ZNF131: variants seen among roughly 807,000 people sequenced by gnomAD.
ZNF131 encodes the protein zinc finger and BTB domain containing 35.
ZNF131 carries 7 observed loss-of-function variants against 60.0 expected under a neutral mutation model. The ratio of observed to expected loss-of-function variants is 0.12; its 90% CI spans 0.07 to 0.22. The LOEUF is 0.22. Among genes scored for constraint, ZNF131 ranks in the 10% least tolerant of loss-of-function variants. The pLI is 1.00. For missense variants in ZNF131, 493 were observed against 740.9 expected (o/e 0.67, Z 3.88); for synonymous variants, 257 against 253.2 (o/e 1.01, Z -0.14).
chr5:43,173,484 G>T, intron 6 of ZNF131, 36 bp downstream of exon 6: 1 of 1,593,166 alleles, frequency 6.3e-7, no homozygotes. Flanking sequence ...TCTTAACAAA[G>T]GAGTCTTGTG....
intron 5 of ZNF131, among the ~76,000 whole-genome samples, chr5:43,169,974 T>C (rs1449281674): frequency 6.6e-6 from 1 of 152,114 alleles, no homozygotes; most frequent in Non-Finnish European, 1.5e-5. Flanking sequence ...GTATTTTTAG[T>C]AGAGACGGGG....
intron 3 of ZNF131, among the ~76,000 whole-genome samples, chr5:43,129,814 C>G (rs1232861974): frequency 6.6e-6 from 1 of 152,098 alleles, no homozygotes; most frequent in African/African-American, 2.4e-5. Flanking sequence ...GCCACCACGC[C>G]CGGCTACTTT....
At chr5:43,166,665 C>CT (rs1344630048) in intron 5 of ZNF131, among the ~76,000 whole-genome samples, 21 of 144,894 alleles carry the variant, frequency 1.4e-4, no homozygotes, top group African/African-American at 4.6e-4. Flanking sequence ...AGCCGTGACC[C>CT]TTTTTTTTGA....
chr5:43,173,170 T>C (rs1579927023), intron 5 of ZNF131, 148 bp from the exon 6 acceptor site: 3 of 819,756 alleles, frequency 3.7e-6, no homozygotes, highest in East Asian at 5.5e-5. Flanking sequence ...CTTTGGAATA[T>C]GGTGAAAATA....
intron 4 of ZNF131, among the ~76,000 whole-genome samples, chr5:43,149,226 G>A (rs144570278): frequency 0.012 from 1,855 of 151,830 alleles, 19 homozygotes; most frequent in Middle Eastern, 0.041. Flanking sequence ...AGCCGAGATC[G>A]TGCCATTGCA....
intron 5 of ZNF131, among the ~76,000 whole-genome samples, chr5:43,172,926 TTCA>T (rs1266759366): frequency 3.9e-5 from 6 of 152,186 alleles, no homozygotes; most frequent in Non-Finnish European, 8.8e-5. Context: ...TCTTCTTACC[TTCA>T]TCACCTAGCA....
At chr5:43,145,661 C>CA (rs891154206) in intron 4 of ZNF131, among the ~76,000 whole-genome samples, 105 of 142,666 alleles carry the variant, frequency 7.4e-4, no homozygotes, top group Admixed American at 1.1e-3. Context: ...CATCTCAAAA[C>CA]AAAAAAAAAA....
At chr5:43,154,696 A>T (rs1748748555) in intron 4 of ZNF131, among the ~76,000 whole-genome samples, 1 of 152,184 alleles carries the variant, frequency 6.6e-6, no homozygotes, top group African/African-American at 2.4e-5. Flanking sequence ...TGTTGGCTGT[A>T]GGCTTCATTA....
At chr5:43,173,138 T>C in intron 5 of ZNF131, 180 bp from the exon 6 acceptor site, 1 of 542,924 alleles carries the variant, frequency 1.8e-6, no homozygotes, top group East Asian at 3.1e-5. Flanking sequence ...AATTTTATTA[T>C]TTTTGCTACC....
intron 4 of ZNF131, among the ~76,000 whole-genome samples, chr5:43,154,083 T>G (rs1748660904): frequency 6.6e-6 from 1 of 152,128 alleles, no homozygotes; most frequent in African/African-American, 2.4e-5. Context: ...CAGAACCAGC[T>G]GATGAAACTG....
chr5:43,170,117 A>G (rs556552510), intron 5 of ZNF131, among the ~76,000 whole-genome samples: 37 of 152,286 alleles, frequency 2.4e-4, no homozygotes, highest in Admixed American at 4.6e-4. Context: ...GGCTTTGCCA[A>G]TTTGTTTCCA....
In ZNF131 at chr5:43,175,255, T is replaced by C. The variant is rs2112151699; in HGVS notation, c.*122T>C. The C allele has an allele frequency of 2.0e-6, 2 of 1,013,244 alleles. No homozygotes were observed. Among genetic ancestry groups the C allele is most frequent in the South Asian group, 1.7e-5 (1 of 60,000 alleles). The allele number at this position is 1,013,244 out of a possible 1,614,324, so 62.8% of individuals were successfully genotyped here. A position where few individuals can be genotyped will look rare whatever the true frequency, so the allele number is the denominator to read the frequency against. On this transcript the variant is annotated 3_prime_UTR_variant, in exon 7 of 7. Coordinates refer to ENST00000682664, the MANE Select transcript of ZNF131 (RefSeq NM_001330707.2). ...ACCAAAGTTAAGCTGTTTCCTGTTG[T>C]GCTGAACTGTTGTCCGTTGAAACAC...
chr5:43,149,855 G>A (rs1748080314), intron 4 of ZNF131, among the ~76,000 whole-genome samples: 1 of 151,926 alleles, frequency 6.6e-6, no homozygotes, highest in Middle Eastern at 3.2e-3. Flanking sequence ...CAAATCTTTT[G>A]CCTGTTTTTT....
intron 3 of ZNF131, chr5:43,124,265 A>G (rs1303281463): frequency 1.3e-5 from 2 of 152,098 alleles, no homozygotes; most frequent in African/African-American, 4.8e-5. Flanking sequence ...CTCCTCCCCT[A>G]CCACCAGCAT....
At chr5:43,153,930 T>TC (rs1748642165) in intron 4 of ZNF131, among the ~76,000 whole-genome samples, 1 of 152,216 alleles carries the variant, frequency 6.6e-6, no homozygotes, top group African/African-American at 2.4e-5. Flanking sequence ...GCATGAAACA[T>TC]CCATCAGTAC....
intron 4 of ZNF131, among the ~76,000 whole-genome samples, chr5:43,151,766 A>G (rs1748342452): frequency 6.6e-6 from 1 of 151,990 alleles, no homozygotes; most frequent in Non-Finnish European, 1.5e-5. Context: ...CAAGGAAATT[A>G]GTACCTGGCT....
intron 5 of ZNF131, among the ~76,000 whole-genome samples, chr5:43,172,690 C>A (rs191069971): frequency 3.2e-4 from 49 of 151,520 alleles, no homozygotes; most frequent in Admixed American, 3.0e-3. Context: ...TTACAGCTAT[C>A]TACTGGACAT....
chr5:43,149,579 G>A (rs555802664), intron 4 of ZNF131, among the ~76,000 whole-genome samples: 2 of 152,242 alleles, frequency 1.3e-5, no homozygotes, highest in South Asian at 4.1e-4. Flanking sequence ...GGCTTGTATG[G>A]TAAGTATATG....
At chr5:43,163,493 C>T (rs1750002630) in intron 5 of ZNF131, among the ~76,000 whole-genome samples, 3 of 152,224 alleles carry the variant, frequency 2.0e-5, no homozygotes, top group African/African-American at 7.2e-5. Flanking sequence ...GGCCTCGCCC[C>T]ACATAGTTCT....
Sources: allele counts gnomAD v4.1 joint callset (sites outside exome capture counted in the v4.1 genomes callset), GRCh38; gene constraint gnomAD v4.1.1; transcripts MANE v1.5; gene names NCBI Gene and HGNC (gene_info 2026-07-23, HGNC 2026-07-21).